Variants in METTL25 observed in about 807,000 individuals in gnomAD.
The protein encoded by METTL25 is methyltransferase like 25.
Under a neutral mutation model 71.6 loss-of-function variants are expected in METTL25, and 64 were observed. That is an observed-to-expected ratio of 0.89 (90% CI 0.73 to 1.10). METTL25 has a LOEUF of 1.10. METTL25 is among the 50% of genes least tolerant of loss of function. The pLI is 0.00. For missense variants in METTL25, 807 were observed against 707.0 expected, an observed-to-expected ratio of 1.14 and a Z score of -1.60; for synonymous variants, 287 against 250.3, an observed-to-expected ratio of 1.15 and a Z score of -1.38.
At chr12:82,427,195 C>G (rs1889099310) in intron 5 of METTL25, among the ~76,000 whole-genome samples, 1 of 151,958 alleles carries the variant, frequency 6.6e-6, no homozygotes, top group African/African-American at 2.4e-5. Flanking sequence ...ACCCATACTC[C>G]TCAAGCAGTG....
intron 5 of METTL25, among the ~76,000 whole-genome samples, chr12:82,407,018 A>T (rs914611302): frequency 1.3e-5 from 2 of 151,912 alleles, no homozygotes; most frequent in African/African-American, 4.8e-5. Flanking sequence ...TGTCTTTCAT[A>T]GAAGCAATTA....
chr12:82,397,070 A>G (rs1886146023), intron 3 of METTL25, among the ~76,000 whole-genome samples: 1 of 152,108 alleles, frequency 6.6e-6, no homozygotes, highest in African/African-American at 2.4e-5. Context: ...ATATTCACAT[A>G]TAAGCCTTTG....
chr12:82,442,830 A>AT (rs757023919), intron 8 of METTL25, among the ~76,000 whole-genome samples: 1 of 152,254 alleles, frequency 6.6e-6, no homozygotes, highest in South Asian at 2.1e-4. Context: ...GAAATAAAAT[A>AT]TTTTTTGTCA....
rs577244889 is a variant in METTL25 at position 82,358,618 on chromosome 12, C to T, written c.53C>T (p.Ala18Val). The T allele has an allele frequency of 1.2e-6, 2 of 1,613,874 alleles. No individual in the cohort carries two copies. Among genetic ancestry groups the T allele is most frequent in the Admixed American group, 1.7e-5 (1 of 60,032 alleles). ...ACCCCGGACCTGCCCACGCTGCGTGCCAAGTTGCAGGGACTGCTGCAGTTC... is the reference window on the plus strand; with the variant it reads ...ACCCCGGACCTGCCCACGCTGCGTGTCAAGTTGCAGGGACTGCTGCAGTTC... Reference protein sequence around the residue: ...PVTPDLPTLRAKLQGLLQFLR... With the variant: ...PVTPDLPTLRVKLQGLLQFLR... The change falls in exon 1 of 12, where the codon GCC becomes GTC. Residue 18 changes from alanine (A) to valine (V), a missense_variant. Physicochemically the swap from Ala to Val is moderately conservative, Grantham distance 64. Coordinates refer to ENST00000248306, the MANE Select transcript of METTL25 (RefSeq NM_032230.3).
At chr12:82,423,979 A>G (rs886307629) in intron 5 of METTL25, among the ~76,000 whole-genome samples, 75 of 152,264 alleles carry the variant, frequency 4.9e-4, no homozygotes, top group East Asian at 2.9e-3. Context: ...ACAGTGTGGC[A>G]ATTCCTCAGG....
intron 1 of METTL25, among the ~76,000 whole-genome samples, chr12:82,365,719 T>C (rs1882487021): frequency 6.9e-6 from 1 of 144,782 alleles, no homozygotes; most frequent in African/African-American, 2.5e-5. Flanking sequence ...AAATATTTTA[T>C]GAAACAGAAA....
intron 8 of METTL25, among the ~76,000 whole-genome samples, chr12:82,442,071 A>G (rs1430645421): frequency 2.0e-5 from 3 of 152,016 alleles, no homozygotes; most frequent in African/African-American, 7.2e-5. Context: ...CCAGCCAGCC[A>G]TATGACACCC....
In METTL25 at chr12:82,433,950, C is replaced by T. The variant is rs150628249; in HGVS notation, c.1375-745C>T. 2.8e-3 allele frequency among the ~76,000 whole-genome samples: 429 copies of T among 150,990 alleles called. 2 individuals are homozygous for T. The highest frequency in any genetic ancestry group is 9.8e-3 in the African/African-American group (404 of 41,368). On this transcript the variant is annotated intron_variant, in intron 6 of 11. Coordinates refer to ENST00000248306, the MANE Select transcript of METTL25 (RefSeq NM_032230.3). ...ATATTTGGAAATATATCTAAAAACT[C>T]AAAGTTTCAGAATACTCTATTCCAT...
At chr12:82,446,812 T>G (rs1480910575) in intron 8 of METTL25, among the ~76,000 whole-genome samples, 1 of 151,832 alleles carries the variant, frequency 6.6e-6, no homozygotes, top group East Asian at 1.9e-4. Context: ...AGACGGGGTT[T>G]CACTATGTTG....
chr12:82,411,055 A>T (rs1222145683), intron 5 of METTL25, among the ~76,000 whole-genome samples: 1 of 152,104 alleles, frequency 6.6e-6, no homozygotes, highest in African/African-American at 2.4e-5. Flanking sequence ...ATTATATTGA[A>T]CTAAAAATGC....
At chr12:82,388,171 A>G (rs1885231928) in intron 2 of METTL25, among the ~76,000 whole-genome samples, 1 of 152,108 alleles carries the variant, frequency 6.6e-6, no homozygotes, top group Non-Finnish European at 1.5e-5. Context: ...CCTTTTTCAC[A>G]TATCAAATTA....
At chr12:82,477,500 T>C (rs1206487378) in intron 11 of METTL25, 148 bp downstream of exon 11, 3 of 449,666 alleles carry the variant, frequency 6.7e-6, no homozygotes, top group South Asian at 4.8e-5. Flanking sequence ...GTTCATTCCA[T>C]CCCTTTTTAA....
At chr12:82,452,174 A>G (rs1891195631) in intron 8 of METTL25, among the ~76,000 whole-genome samples, 1 of 152,208 alleles carries the variant, frequency 6.6e-6, no homozygotes, top group Non-Finnish European at 1.5e-5. Context: ...AACTGTAAAG[A>G]TTTTTGTGAA....
chr12:82,365,942 C>T (rs1465962912), intron 1 of METTL25, among the ~76,000 whole-genome samples: 1 of 152,060 alleles, frequency 6.6e-6, no homozygotes, highest in Non-Finnish European at 1.5e-5. Flanking sequence ...ATCAGCCAGA[C>T]ATGGTGGCGG....
intron 1 of METTL25, 26 bp downstream of exon 1, chr12:82,358,850 G>A: frequency 6.4e-7 from 1 of 1,567,888 alleles, no homozygotes; most frequent in Non-Finnish European, 8.7e-7. Flanking sequence ...GGCGGGGCGG[G>A]AAGGGAGGCG....
At chr12:82,455,463 G>A (rs779567841) in intron 8 of METTL25, among the ~76,000 whole-genome samples, 8 of 151,928 alleles carry the variant, frequency 5.3e-5, no homozygotes, top group East Asian at 1.9e-4. Flanking sequence ...AATAACAAAC[G>A]AATGGAAGAA....
intron 8 of METTL25, among the ~76,000 whole-genome samples, chr12:82,448,472 G>T (rs1489356073): frequency 6.6e-6 from 1 of 151,860 alleles, no homozygotes; most frequent in Non-Finnish European, 1.5e-5. Flanking sequence ...GAATTTCTTG[G>T]ATTAAAAATC....
intron 5 of METTL25, among the ~76,000 whole-genome samples, chr12:82,409,218 T>C (rs1331814864): frequency 6.6e-6 from 1 of 152,146 alleles, no homozygotes; most frequent in African/African-American, 2.4e-5. Flanking sequence ...ATACTGAATT[T>C]ATACCATATG....
intron 1 of METTL25, among the ~76,000 whole-genome samples, chr12:82,361,567 G>A (rs1592569298): frequency 1.3e-5 from 2 of 152,194 alleles, no homozygotes; most frequent in Admixed American, 1.3e-4. Context: ...TGCCCCGCAG[G>A]GAGGCAGCTG....
Sources: gnomAD v4.1 joint callset for allele counts (sites outside exome capture counted in the v4.1 genomes callset) on GRCh38, gnomAD v4.1.1 for gene constraint, MANE v1.5 for transcripts, NCBI Gene and HGNC (gene_info 2026-07-23, HGNC 2026-07-21) for gene names.